Variants in NMNAT2 observed in about 807,000 individuals in gnomAD.
NMNAT2 encodes nicotinamide nucleotide adenylyltransferase 2.
A neutral mutation model predicts 41.6 loss-of-function variants in NMNAT2; 11 were observed. The observed-to-expected ratio is 0.26, with a 90% CI of 0.17 to 0.44. The LOEUF is 0.44. Among genes scored for constraint, NMNAT2 ranks in the 20% least tolerant of loss-of-function variants. The pLI is 1.00. For synonymous variants in NMNAT2, 148 were observed against 151.2 expected (o/e 0.98, Z 0.16); for missense variants, 288 against 407.7 (o/e 0.71, Z 2.53).
intron 1 of NMNAT2, among the ~76,000 whole-genome samples, chr1:183,330,939 A>T (rs575664454): frequency 3.3e-5 from 5 of 152,142 alleles, no homozygotes; most frequent in African/African-American, 9.6e-5. Flanking sequence ...TCAGATCTCC[A>T]TTCAACCTCT....
intron 1 of NMNAT2, among the ~76,000 whole-genome samples, chr1:183,415,052 T>C (rs964151720): frequency 6.6e-6 from 1 of 152,184 alleles, no homozygotes; most frequent in Non-Finnish European, 1.5e-5. Flanking sequence ...CTTGGCATAC[T>C]GCAACCTCTG....
intron 1 of NMNAT2, among the ~76,000 whole-genome samples, chr1:183,345,811 C>G (rs1436962310): frequency 6.6e-6 from 1 of 151,884 alleles, no homozygotes; most frequent in Non-Finnish European, 1.5e-5. Context: ...CTCAGCCTCC[C>G]GAGTAGCTGG....
intron 7 of NMNAT2, chr1:183,283,037 G>A (rs1661308249): frequency 2.0e-5 from 3 of 152,206 alleles, no homozygotes; most frequent in Admixed American, 2.0e-4. Context: ...CCTCAGATGA[G>A]AGGATGAGAC....
intron 1 of NMNAT2, among the ~76,000 whole-genome samples, chr1:183,389,806 A>AGGG (rs1557897646): frequency 5.9e-5 from 5 of 84,956 alleles, no homozygotes; most frequent in Non-Finnish European, 1.3e-4. Context: ...GAAAGAAAGA[A>AGGG]AGAAAGAAAG....
At position 183,340,126 on chromosome 1, in the gene NMNAT2, C is replaced by T. The variant is rs545211221; in HGVS notation, c.86-46333G>A. Among the ~76,000 whole-genome samples, 4 of 152,330 alleles carry T rather than the reference C, an allele frequency of 2.6e-5. No homozygotes were observed. The South Asian group carries it at 8.3e-4, about 32-fold the overall frequency. On this transcript the variant is annotated intron_variant, in intron 1 of 10. Coordinates refer to ENST00000287713, the MANE Select transcript of NMNAT2 (RefSeq NM_015039.4). ...GCCTCAGGCTAGAGAATCAGACTTT[C>T]TGGCTCTCCCCTTCTGGGGTGCTGC...
chr1:183,266,372 T>C (rs935149631), intron 8 of NMNAT2, among the ~76,000 whole-genome samples: 8 of 152,194 alleles, frequency 5.3e-5, no homozygotes, highest in African/African-American at 7.2e-5. Flanking sequence ...AAATGTCACC[T>C]TCTTGGTGAG....
intron 1 of NMNAT2, among the ~76,000 whole-genome samples, chr1:183,299,088 T>C (rs958853628): frequency 9.9e-5 from 15 of 152,118 alleles, no homozygotes; most frequent in Non-Finnish European, 5.9e-5. Flanking sequence ...AAGGAACAAA[T>C]TGGCTGGGCA....
At chr1:183,280,047 C>G (rs998289529) in intron 7 of NMNAT2, among the ~76,000 whole-genome samples, 1 of 152,196 alleles carries the variant, frequency 6.6e-6, no homozygotes, top group East Asian at 1.9e-4. Context: ...GGCCTCTGCT[C>G]TTGCAGCATG....
intron 1 of NMNAT2, among the ~76,000 whole-genome samples, chr1:183,401,743 G>T (rs759792709): frequency 6.6e-6 from 1 of 152,104 alleles, no homozygotes; most frequent in African/African-American, 2.4e-5. Context: ...CCATAAAAAA[G>T]GATGAGTTCA....
At chr1:183,338,404 GA>G (rs1326567808) in intron 1 of NMNAT2, among the ~76,000 whole-genome samples, 1 of 152,114 alleles carries the variant, frequency 6.6e-6, no homozygotes, top group African/African-American at 2.4e-5. Context: ...CAACAGTGTA[GA>G]AATAGCATAG....
intron 8 of NMNAT2, among the ~76,000 whole-genome samples, chr1:183,269,886 CT>C (rs879768366): frequency 7.8e-4 from 116 of 147,928 alleles, no homozygotes; most frequent in African/African-American, 1.8e-3. Context: ...TGACTTGAAA[CT>C]TTTTTTTTTT....
At chr1:183,273,490 C>T (rs570983929) in intron 8 of NMNAT2, among the ~76,000 whole-genome samples, 2 of 152,232 alleles carry the variant, frequency 1.3e-5, no homozygotes, top group Non-Finnish European at 2.9e-5. Flanking sequence ...TTCCAGGAGT[C>T]TCATGGTTAG....
intron 1 of NMNAT2, among the ~76,000 whole-genome samples, chr1:183,310,484 A>G (rs1662088679): frequency 6.6e-6 from 1 of 152,152 alleles, no homozygotes; most frequent in East Asian, 1.9e-4. Context: ...GGTCCCTCTC[A>G]TGTCTCCAGT....
chr1:183,388,585 C>A (rs1648330172), intron 1 of NMNAT2, among the ~76,000 whole-genome samples: 1 of 152,220 alleles, frequency 6.6e-6, no homozygotes, highest in African/African-American at 2.4e-5. Flanking sequence ...CAATAAAAAA[C>A]TGTTAAATGT....
intron 8 of NMNAT2, among the ~76,000 whole-genome samples, chr1:183,261,850 A>AGATGAT (rs1219029993): frequency 2.0e-5 from 3 of 152,230 alleles, no homozygotes; most frequent in Non-Finnish European, 1.5e-5. Flanking sequence ...TGTGATAGGG[A>AGATGAT]GATGATGATG....
intron 5 of NMNAT2, among the ~76,000 whole-genome samples, chr1:183,286,061 T>G (rs927249364): frequency 2.6e-5 from 4 of 152,122 alleles, no homozygotes; most frequent in Admixed American, 2.0e-4. Flanking sequence ...GTTAACACAA[T>G]TATTTCTCAA....
At chr1:183,299,187 C>T (rs11590704) in intron 1 of NMNAT2, among the ~76,000 whole-genome samples, 30,112 of 151,860 alleles carry the variant, frequency 0.2, 3,073 homozygotes, top group South Asian at 0.28. Flanking sequence ...GCCTGGCCAA[C>T]CTGGTGAAAC....
At chr1:183,314,828 A>G (rs538172641) in intron 1 of NMNAT2, among the ~76,000 whole-genome samples, 1 of 152,310 alleles carries the variant, frequency 6.6e-6, no homozygotes, top group South Asian at 2.1e-4. Context: ...ACAGTAAGCT[A>G]TGATGGCACC....
At chr1:183,390,794 C>G (rs1648460568) in intron 1 of NMNAT2, among the ~76,000 whole-genome samples, 1 of 152,158 alleles carries the variant, frequency 6.6e-6, no homozygotes, top group African/African-American at 2.4e-5. Flanking sequence ...TGTGATGCTG[C>G]ATGCATTTGG....
Sources: allele counts gnomAD v4.1 joint callset (sites outside exome capture counted in the v4.1 genomes callset), GRCh38; gene constraint gnomAD v4.1.1; transcripts MANE v1.5; gene names NCBI Gene and HGNC (gene_info 2026-07-23, HGNC 2026-07-21).